The following ARAP1 variants were observed in gnomAD, a reference collection of about 807,000 sequenced individuals.
ARAP1 encodes arf-GAP with Rho-GAP domain, ANK repeat and PH domain-containing protein 1.
A neutral mutation model predicts 172.2 loss-of-function variants in ARAP1; 76 were observed. The ratio of observed to expected loss-of-function variants is 0.44; its 90% CI spans 0.37 to 0.53. The LOEUF (loss-of-function observed/expected upper bound fraction) is 0.53. ARAP1 is among the 20% of genes least tolerant of loss of function. ARAP1 has a pLI of 0.00. For missense variants in ARAP1, 1,686 were observed against 1,977.5 expected (o/e 0.85, Z 2.80); for synonymous variants, 804 against 803.3 (o/e 1.00, Z -0.01).
In ARAP1 at chr11:72,695,269, T is replaced by C. The variant is rs1856132648; in HGVS notation, c.3576+118A>G. On this transcript the variant is annotated intron_variant, in intron 26 of 34. Coordinates refer to ENST00000393609, the MANE Select transcript of ARAP1 (RefSeq NM_001040118.3). The surrounding 1 kb of genome is among the most constrained non-coding windows in gnomAD (Gnocchi z 4.4). ...GGAGCAGACCCCAGCACCAGCCAGA[T>C]ACAGGTCCCAAACTGGTCCTCTCCT... The C allele has an allele frequency of 3.5e-6, 5 of 1,422,886 alleles. No homozygotes were observed. In the South Asian group the frequency reaches 3.6e-5, roughly 10 times the overall value. 88.1% of individuals were successfully genotyped at this position (1,422,886 alleles called of 1,614,324 possible).
Position 72,701,683 on chromosome 11 carries a change from G to A in ARAP1, c.2268C>T (p.Ala756=), listed in dbSNP as rs746112587. Residue 756 remains alanine, a synonymous_variant, in exon 16 of 35, where the codon GCC becomes GCT. Transcript: ENST00000393609. ...CCCGGCGGTCCTGTAGCAGCTTGCC[G>A]GCAGAGGCAGTCTTGTAGAGGAAGC... ...HSGFLYKTAS[A]GKLLQDRRAR... The A allele has an allele frequency of 1.1e-5, 18 of 1,613,766 alleles. No individual in the cohort carries two copies. Among genetic ancestry groups the A allele is most frequent in the Admixed American group, 8.3e-5 (5 of 59,998 alleles).
At chr11:72,706,035 C>A in intron 12 of ARAP1, 145 bp from the exon 13 acceptor site, 1 of 697,286 alleles carries the variant, frequency 1.4e-6, no homozygotes, top group Non-Finnish European at 2.4e-6. Context: ...CTCTGGAATC[C>A]AGCCGTGTAC....
chr11:72,692,700 A>T (rs1855990822), intron 30 of ARAP1, 53 bp downstream of exon 30: 5 of 1,611,392 alleles, frequency 3.1e-6, no homozygotes, highest in Non-Finnish European at 3.4e-6. Flanking sequence ...CACCCAGCTC[A>T]TTTGGCCCCC....
Position 72,693,106 on chromosome 11 carries a change from A to G in ARAP1, c.3954+219T>C. The G allele has an allele frequency of 1.4e-6, 1 of 695,542 alleles. No individual in the cohort carries two copies. Among genetic ancestry groups the G allele is most frequent in the East Asian group, 2.7e-5 (1 of 36,700 alleles). 43.1% of individuals were successfully genotyped at this position (695,542 alleles called of 1,614,324 possible). A position where few individuals can be genotyped will look rare whatever the true frequency, so the allele number is the denominator to read the frequency against. On this transcript the variant is annotated intron_variant, in intron 29 of 34. Transcript: ENST00000393609. The surrounding 1 kb of genome is among the most constrained non-coding windows in gnomAD (Gnocchi z 4.6). ...CATGGGCATGGAGTGGTGTGATGGCATCCGGGTGCCAGGGCTTAGTGGGGC... is the reference window on the plus strand; with the variant it reads ...CATGGGCATGGAGTGGTGTGATGGCGTCCGGGTGCCAGGGCTTAGTGGGGC...
intron 19 of ARAP1, 99 bp downstream of exon 19, chr11:72,697,812 C>T: frequency 1.3e-6 from 2 of 1,488,578 alleles, no homozygotes; most frequent in South Asian, 2.7e-5. Flanking sequence ...CGGCTCTGGC[C>T]AGGCCAGGCA....
intron 1 of ARAP1, among the ~76,000 whole-genome samples, chr11:72,733,545 A>C (rs1857925809): frequency 6.6e-6 from 1 of 152,144 alleles, no homozygotes; most frequent in African/African-American, 2.4e-5. Context: ...TATTCCTGAC[A>C]GGCCACCACC....
chr11:72,716,864 C>A (rs1359283402), intron 3 of ARAP1, among the ~76,000 whole-genome samples: 1 of 152,208 alleles, frequency 6.6e-6, no homozygotes, highest in Non-Finnish European at 1.5e-5. Context: ...ACCCAACGGG[C>A]CTCTCTGGGA....
rs753239225 is a variant in ARAP1 at position 72,699,376 on chromosome 11, C to T, written c.2438+41G>A. ...CCTGTCTCCCCAGTGGGGGATTGTA[C>T]CTTATAGCAACCACAGTCTGATTTG... On this transcript the variant is annotated intron_variant, in intron 17 of 34. Transcript: ENST00000393609. The surrounding 1 kb of genome is among the most constrained non-coding windows in gnomAD (Gnocchi z 4.2). The T allele has an allele frequency of 6.2e-7, 1 of 1,613,160 alleles. No homozygotes were observed. The highest frequency in any genetic ancestry group is 8.5e-7 in the Non-Finnish European group (1 of 1,179,618).
chr11:72,748,598 G>C (rs1465355965), intron 1 of ARAP1, among the ~76,000 whole-genome samples: 2 of 152,056 alleles, frequency 1.3e-5, no homozygotes, highest in Non-Finnish European at 2.9e-5. Flanking sequence ...GACTGTCCCA[G>C]TGGCCTAGGA....
Position 72,693,404 on chromosome 11 carries a change from A to G in ARAP1, c.3875T>C (p.Leu1292Pro), listed in dbSNP as rs1436150421. Residue 1292 changes from leucine (L) to proline (P), a missense_variant, in exon 29 of 35, where the codon CTG becomes CCG. Physicochemically the swap from Leu to Pro is moderately conservative, Grantham distance 98. Coordinates refer to ENST00000393609, the MANE Select transcript of ARAP1 (RefSeq NM_001040118.3). This position sits in a 1 kb window ranked among gnomAD's most constrained non-coding sequence, Gnocchi z 4.6. ...KFREDRSLLGLGLPSGGFHDR... is the reference protein window; with the variant it reads ...KFREDRSLLGPGLPSGGFHDR... The stretch of plus-strand genomic sequence containing the variant: ...GTGGAAGCCACCTGAGGGCAGGCCC[A>G]GGCCCAGGAGGCTGCGGTCCTCACG... 6.2e-7 allele frequency: 1 copy of G among 1,613,788 alleles called. No individual in the cohort carries two copies. Among genetic ancestry groups the G allele is most frequent in the Non-Finnish European group, 8.5e-7 (1 of 1,179,856 alleles).
intron 3 of ARAP1, among the ~76,000 whole-genome samples, chr11:72,719,410 G>A (rs973594639): frequency 1.3e-5 from 2 of 152,232 alleles, no homozygotes; most frequent in African/African-American, 4.8e-5. Flanking sequence ...ACTAGAGACA[G>A]GGCTTGGAGC....
intron 1 of ARAP1, among the ~76,000 whole-genome samples, chr11:72,735,264 G>A (rs935046095): frequency 2.0e-5 from 3 of 152,018 alleles, no homozygotes; most frequent in East Asian, 1.9e-4. Context: ...TTACAGGCGT[G>A]AGCCACCAGC....
chr11:72,712,377 A>G lies in ARAP1; in HGVS notation c.879-38T>C, dbSNP rs776885542. 2.8e-4 allele frequency: 426 copies of G among 1,513,628 alleles called. 1 individual carries two copies. The highest frequency in any genetic ancestry group is 3.7e-4 in the Non-Finnish European group (413 of 1,125,628). 93.8% of individuals were successfully genotyped at this position (1,513,628 alleles called of 1,614,324 possible). A position where few individuals can be genotyped will look rare whatever the true frequency, so the allele number is the denominator to read the frequency against. On this transcript the variant is annotated intron_variant, in intron 6 of 34. Coordinates refer to ENST00000393609, the MANE Select transcript of ARAP1 (RefSeq NM_001040118.3). ...GAGGGGATGGGGGGCCGGGCTGAGG[A>G]GGCAAGGAGGGGGCGGGCTGAGGTT... is the stretch of plus-strand genomic sequence containing the variant.
rs781112341 is a variant in ARAP1 at position 72,693,434 on chromosome 11, T to A, written c.3845A>T (p.Lys1282Met). Residue 1282 changes from lysine to methionine, a missense_variant, in exon 29 of 35, where the codon AAG becomes ATG. Lys to Met is a moderately conservative substitution (Grantham distance 95, BLOSUM62 -1). Transcript: ENST00000393609. This position sits in a 1 kb window ranked among gnomAD's most constrained non-coding sequence, Gnocchi z 4.6. ...CAGGAGGCTGCGGTCCTCACGGAAC[T>A]TCATCATGCCATGCTTGGTGTCACC... ...RVGDTKHGMMKFREDRSLLGL... is the reference protein window; with the variant it reads ...RVGDTKHGMMMFREDRSLLGL... The A allele has an allele frequency of 1.3e-5, 21 of 1,613,774 alleles. No homozygotes were observed. Among genetic ancestry groups the A allele is most frequent in the Non-Finnish European group, 1.8e-5 (21 of 1,179,760 alleles).
Position 72,695,904 on chromosome 11 carries a change from G to A in ARAP1, c.3273-39C>T, listed in dbSNP as rs774657163. 112 of 1,585,570 alleles carry A rather than the reference G, an allele frequency of 7.1e-5. No homozygotes were observed. Among genetic ancestry groups the A allele is most frequent in the Non-Finnish European group, 9.2e-5 (107 of 1,166,790 alleles). On this transcript the variant is annotated intron_variant, in intron 23 of 34. Coordinates refer to ENST00000393609, the MANE Select transcript of ARAP1 (RefSeq NM_001040118.3). The surrounding 1 kb of genome is among the most constrained non-coding windows in gnomAD (Gnocchi z 4.4). The stretch of plus-strand genomic sequence containing the variant: ...GAGGAGGGCTTTGAGTGAGGAGTCA[G>A]GCCAGAGCTTCCCATCTCACCCTAT...
Position 72,701,749 on chromosome 11 carries a change from T to C in ARAP1, c.2202A>G (p.Glu734=). Residue 734 remains glutamate, a synonymous_variant, in exon 16 of 35, where the codon GAA becomes GAG. Transcript: ENST00000393609. Reference sequence around the variant, plus strand: ...TCGGCAGGACAACTGAGTAGTGCTTTTCCAGGGGCTTCATCGAGTCCAGCC... The same window carrying C: ...TCGGCAGGACAACTGAGTAGTGCTTCTCCAGGGGCTTCATCGAGTCCAGCC... The part of the protein sequence containing the change: ...VPRLDSMKPL[E]KHYSVVLPTV... 1 of 1,613,924 alleles carries C rather than the reference T, an allele frequency of 6.2e-7. No individual in the cohort carries two copies. Among genetic ancestry groups the C allele is most frequent in the African/African-American group, 1.3e-5 (1 of 75,028 alleles).
chr11:72,685,817 C>A, intron 34 of ARAP1, 136 bp from the exon 35 acceptor site: 1 of 1,392,262 alleles, frequency 7.2e-7, no homozygotes. Context: ...GCTCCCAGCT[C>A]CCAGGGCCAG....
Position 72,710,514 on chromosome 11 carries a change from G to A in ARAP1, c.1287C>T (p.Ser429=), listed in dbSNP as rs775720789. Residue 429 remains serine (S), a synonymous_variant, in exon 10 of 35, where the codon AGC becomes AGT. Transcript: ENST00000393609. The surrounding 1 kb of genome is among the most constrained non-coding windows in gnomAD (Gnocchi z 4.3). ...AEQRARARLS[S]AYLLGVPGSE... is the part of the protein sequence containing the mutation. ...AGCCTGGAACTCCCAGCAGATAAGCGCTAGAGAGCCGGGCCCGGGCACGCT... is the reference window on the plus strand; with the variant it reads ...AGCCTGGAACTCCCAGCAGATAAGCACTAGAGAGCCGGGCCCGGGCACGCT... The A allele has an allele frequency of 6.2e-6, 10 of 1,613,826 alleles. No homozygotes were observed. Among genetic ancestry groups the A allele is most frequent in the African/African-American group, 2.7e-5 (2 of 74,906 alleles).
In ARAP1 at chr11:72,710,239, T is replaced by C. The variant is rs1347600088; in HGVS notation, c.1416+146A>G. 3 of 1,051,024 alleles carry C rather than the reference T, an allele frequency of 2.9e-6. No individual in the cohort carries two copies. In the African/African-American group the frequency reaches 4.7e-5, roughly 17 times the overall value. 65.1% of individuals were successfully genotyped at this position (1,051,024 alleles called of 1,614,324 possible). A position where few individuals can be genotyped will look rare whatever the true frequency, so the allele number is the denominator to read the frequency against. ...AGAGCCTGGGGGAAGTGGTCAGAAC[T>C]TGGGGGAGCGAGGACATATCCAGGC... On this transcript the variant is annotated intron_variant, in intron 10 of 34. Coordinates refer to ENST00000393609, the MANE Select transcript of ARAP1 (RefSeq NM_001040118.3). This position sits in a 1 kb window ranked among gnomAD's most constrained non-coding sequence, Gnocchi z 4.3.
Sources: allele counts gnomAD v4.1 joint callset (sites outside exome capture counted in the v4.1 genomes callset), GRCh38; gene constraint gnomAD v4.1.1; non-coding constraint Gnocchi (gnomAD v3.1); transcripts MANE v1.5; gene names NCBI Gene and HGNC (gene_info 2026-07-23, HGNC 2026-07-21).